Variants in CCDC148 observed in about 807,000 individuals in gnomAD.
CCDC148 encodes the protein coiled-coil domain containing 148.
CCDC148 carries 89 observed loss-of-function variants against 85.7 expected under a neutral mutation model. That is an observed-to-expected ratio of 1.04 (90% CI 0.87 to 1.24). CCDC148 has a LOEUF of 1.24. CCDC148 is among the 50% of genes most tolerant of loss of function. The pLI is 0.00. For synonymous variants in CCDC148, 230 were observed against 213.9 expected (o/e 1.08, Z -0.66); for missense variants, 692 against 671.7 (o/e 1.03, Z -0.33).
Position 158,299,377 on chromosome 2 carries a change from T to C in CCDC148, c.1110+10056A>G, listed in dbSNP as rs1691341739. The stretch of plus-strand genomic sequence containing the variant: ...TCATATACATTTTGGAGGCTCTTTA[T>C]CTGCCAGTCCTTCATCTCTAGTATC... On this transcript the variant is annotated intron_variant, in intron 9 of 13. Coordinates refer to ENST00000283233, the MANE Select transcript of CCDC148 (RefSeq NM_138803.4). 3.3e-5 allele frequency among the ~76,000 whole-genome samples: 5 copies of C among 152,240 alleles called. No individual in the cohort carries two copies. In the South Asian group the frequency reaches 1.0e-3, roughly 31 times the overall value.
Position 158,277,867 on chromosome 2 carries a change from G to GT in CCDC148, c.1111-26956dup, listed in dbSNP as rs148634499. Among the ~76,000 whole-genome samples, 1,100 of 152,148 alleles carry GT rather than the reference G, an allele frequency of 7.2e-3. 18 individuals carry two copies. Among genetic ancestry groups the GT allele is most frequent in the South Asian group, 0.027 (132 of 4,820 alleles). ...CACTTCAGCCTCCCAAAGGAGTTAT[G>GT]TTTTTTATTTTCATTATTTTATATA... is the stretch of plus-strand genomic sequence containing the variant. On this transcript the variant is annotated intron_variant, in intron 9 of 13. Transcript: ENST00000283233.
intron 11 of CCDC148, among the ~76,000 whole-genome samples, chr2:158,195,484 T>C (rs1021375174): frequency 6.6e-6 from 1 of 152,132 alleles, no homozygotes; most frequent in African/African-American, 2.4e-5. Context: ...AAGTTTTGCG[T>C]TTTTGCTAAA....
chr2:158,393,020 A>T (rs1294200986), intron 1 of CCDC148, among the ~76,000 whole-genome samples: 1 of 152,130 alleles, frequency 6.6e-6, no homozygotes, highest in East Asian at 1.9e-4. Flanking sequence ...AATATATTTA[A>T]GATACTTGTC....
chr2:158,355,835 C>T (rs1274122630), intron 2 of CCDC148, among the ~76,000 whole-genome samples: 1 of 134,664 alleles, frequency 7.4e-6, no homozygotes, highest in Non-Finnish European at 1.5e-5. Context: ...AACTATACTA[C>T]AAGGCTACAG....
chr2:158,320,019 T>G (rs1316237112), intron 7 of CCDC148, among the ~76,000 whole-genome samples: 2 of 152,190 alleles, frequency 1.3e-5, no homozygotes, highest in Non-Finnish European at 2.9e-5. Flanking sequence ...TTATTCTTCA[T>G]TTTTGGGGGG....
chr2:158,292,883 A>G (rs1690958764), intron 9 of CCDC148, among the ~76,000 whole-genome samples: 1 of 152,230 alleles, frequency 6.6e-6, no homozygotes, highest in Admixed American at 6.5e-5. Flanking sequence ...AACATAAAGG[A>G]GTACACAAGA....
chr2:158,336,501 T>TA (rs1179454464), intron 7 of CCDC148, among the ~76,000 whole-genome samples: 1 of 152,208 alleles, frequency 6.6e-6, no homozygotes, highest in Non-Finnish European at 1.5e-5. Flanking sequence ...GGCAAAGCCA[T>TA]ATACTAAACT....
chr2:158,424,504 G>A (rs1343391057), intron 1 of CCDC148, among the ~76,000 whole-genome samples: 1 of 152,044 alleles, frequency 6.6e-6, no homozygotes, highest in Non-Finnish European at 1.5e-5. Context: ...ACTCATATGT[G>A]GGAATTGAAC....
intron 11 of CCDC148, among the ~76,000 whole-genome samples, chr2:158,179,633 C>A (rs1305755720): frequency 6.6e-6 from 1 of 152,038 alleles, no homozygotes; most frequent in Non-Finnish European, 1.5e-5. Flanking sequence ...CAATGAGAAG[C>A]TTTAGCACAC....
chr2:158,265,952 C>T (rs1689433409), intron 9 of CCDC148, among the ~76,000 whole-genome samples: 1 of 152,124 alleles, frequency 6.6e-6, no homozygotes, highest in Admixed American at 6.6e-5. Flanking sequence ...CTTAATATAT[C>T]TAGACTCTGT....
intron 1 of CCDC148, among the ~76,000 whole-genome samples, chr2:158,404,698 G>A (rs1685926277): frequency 6.6e-6 from 1 of 152,008 alleles, no homozygotes; most frequent in Non-Finnish European, 1.5e-5. Context: ...TTTAAAATAT[G>A]AAAAAAATAG....
chr2:158,179,117 TAC>T, intron 11 of CCDC148, 121 bp from the exon 12 acceptor site: 3 of 582,488 alleles, frequency 5.2e-6, no homozygotes, highest in Non-Finnish European at 8.9e-6. Context: ...TTTTTTTTTT[TAC>T]TGATTTCTCA....
chr2:158,287,780 G>A (rs1378701623), intron 9 of CCDC148, among the ~76,000 whole-genome samples: 1 of 152,214 alleles, frequency 6.6e-6, no homozygotes, highest in Non-Finnish European at 1.5e-5. Flanking sequence ...TCTGGGGTCT[G>A]CAGGATGATG....
chr2:158,250,954 C>T (rs1166469257), intron 9 of CCDC148, 42 bp from the exon 10 acceptor site: 2 of 1,556,994 alleles, frequency 1.3e-6, no homozygotes, highest in Non-Finnish European at 1.7e-6. Context: ...ACTATGCACA[C>T]TGAAGTTATT....
chr2:158,435,902 G>A (rs1467853487), intron 1 of CCDC148, among the ~76,000 whole-genome samples: 3 of 152,086 alleles, frequency 2.0e-5, no homozygotes, highest in Non-Finnish European at 2.9e-5. Context: ...AATGGTAAAG[G>A]GATCAATTCA....
At chr2:158,312,411 G>A (rs184604496) in intron 8 of CCDC148, among the ~76,000 whole-genome samples, 10 of 151,810 alleles carry the variant, frequency 6.6e-5, no homozygotes, top group Admixed American at 2.6e-4. Context: ...GTGAAACCCC[G>A]ACTCTACTGA....
At chr2:158,401,185 G>C (rs139695294) in intron 1 of CCDC148, among the ~76,000 whole-genome samples, 3,030 of 152,228 alleles carry the variant, frequency 0.02, 51 homozygotes, top group Non-Finnish European at 0.031. Context: ...ATTTGACCCA[G>C]CAATCCCATT....
intron 11 of CCDC148, among the ~76,000 whole-genome samples, chr2:158,187,713 C>T (rs1039883979): frequency 6.6e-6 from 1 of 152,010 alleles, no homozygotes; most frequent in African/African-American, 2.4e-5. Flanking sequence ...CTTTTACCAG[C>T]TTCTCCTCGT....
chr2:158,220,844 T>C (rs1320094593), intron 10 of CCDC148, 131 bp from the exon 11 acceptor site: 5 of 655,864 alleles, frequency 7.6e-6, no homozygotes, highest in African/African-American at 5.8e-5. Flanking sequence ...TTTTGTTTCA[T>C]AGATATGCTT....
Sources: allele counts gnomAD v4.1 joint callset (sites outside exome capture counted in the v4.1 genomes callset), GRCh38; gene constraint gnomAD v4.1.1; transcripts MANE v1.5; gene names NCBI Gene and HGNC (gene_info 2026-07-23, HGNC 2026-07-21).